Variants in AKAP13 observed in about 807,000 individuals in gnomAD.
AKAP13 encodes the protein A-kinase anchor protein 13.
A neutral mutation model predicts 264.5 loss-of-function variants in AKAP13; 80 were observed. The observed-to-expected ratio is 0.30, with a 90% CI of 0.25 to 0.36. The LOEUF is 0.36. AKAP13 is among the 10% of genes least tolerant of loss of function. The pLI, the probability that AKAP13 is intolerant of heterozygous loss-of-function variation, is 1.00. For missense variants in AKAP13, 3,712 were observed against 3,435.2 expected (o/e 1.08, Z -2.01); for synonymous variants, 1,380 against 1,250.2 (o/e 1.10, Z -2.19).
At chr15:85,735,419 T>A (rs1015475394) in intron 31 of AKAP13, 141 bp from the exon 32 acceptor site, 2 of 894,516 alleles carry the variant, frequency 2.2e-6, no homozygotes, top group South Asian at 3.6e-5. Flanking sequence ...ATCACTTAGC[T>A]GCCACCAAGC....
At chr15:85,563,135 C>G (rs1167161777) in intron 5 of AKAP13, among the ~76,000 whole-genome samples, 1 of 151,946 alleles carries the variant, frequency 6.6e-6, no homozygotes, top group Non-Finnish European at 1.5e-5. Context: ...TTTCCCATAC[C>G]ACACTATGAT....
intron 17 of AKAP13, among the ~76,000 whole-genome samples, chr15:85,706,764 C>T (rs12441583): frequency 1.3e-5 from 2 of 152,152 alleles, no homozygotes; most frequent in Admixed American, 1.3e-4. Flanking sequence ...TGAATGGTCC[C>T]TGCCCCAGAG....
intron 3 of AKAP13, among the ~76,000 whole-genome samples, chr15:85,524,508 A>T (rs371433963): frequency 4.3e-4 from 65 of 151,126 alleles, no homozygotes; most frequent in Admixed American, 4.3e-3. Flanking sequence ...TTTATTTTTC[A>T]TGTTTCATCC....
chr15:85,663,813 G>T (rs410522), intron 12 of AKAP13, among the ~76,000 whole-genome samples: 66,023 of 152,022 alleles, frequency 0.43, 15,615 homozygotes, highest in African/African-American at 0.62. Flanking sequence ...CACAGAATCT[G>T]TCTTGGAGGA....
chr15:85,442,451 C>T (rs1319112749), intron 1 of AKAP13, among the ~76,000 whole-genome samples: 3 of 111,592 alleles, frequency 2.7e-5, no homozygotes, highest in Admixed American at 1.0e-4. Context: ...ATAAAATATA[C>T]ATATATAATA....
At position 85,749,169 on chromosome 15, in the gene AKAP13, T is replaced by G. The variant is rs780462665; in HGVS notation, c.*4492T>G. 9 of 152,254 alleles carry G rather than the reference T, an allele frequency of 5.9e-5. No individual in the cohort carries two copies. The highest frequency in any genetic ancestry group is 1.2e-4 in the Non-Finnish European group (8 of 68,054). The allele number at this position is 152,254 out of a possible 1,614,324, so 9.4% of individuals were successfully genotyped here. On this transcript the variant is annotated 3_prime_UTR_variant, in exon 37 of 37. Coordinates refer to ENST00000394518, the MANE Select transcript of AKAP13 (RefSeq NM_007200.5). ...GGGTTAAAACCCAGATGCTGTATATTCATTTGTAATTATGTATAAAGTGAA... is the reference window on the plus strand; with the variant it reads ...GGGTTAAAACCCAGATGCTGTATATGCATTTGTAATTATGTATAAAGTGAA...
chr15:85,517,930 G>C (rs1170000455), intron 2 of AKAP13, among the ~76,000 whole-genome samples: 10 of 152,198 alleles, frequency 6.6e-5, no homozygotes, highest in African/African-American at 1.9e-4. Context: ...CTTAAGTTCA[G>C]ATTATTGGAA....
intron 1 of AKAP13, among the ~76,000 whole-genome samples, chr15:85,430,334 A>C (rs569103361): frequency 4.6e-5 from 7 of 152,254 alleles, no homozygotes; most frequent in Non-Finnish European, 1.0e-4. Flanking sequence ...TTTCTGCCTT[A>C]TAGTAGTAAA....
intron 1 of AKAP13, among the ~76,000 whole-genome samples, chr15:85,434,361 A>G (rs1468540538): frequency 2.6e-4 from 40 of 151,908 alleles, no homozygotes; most frequent in Non-Finnish European, 3.8e-4. Flanking sequence ...AGCAGTCTGA[A>G]ATCAAACTGC....
intron 14 of AKAP13, among the ~76,000 whole-genome samples, chr15:85,678,966 A>G (rs183531331): frequency 1.3e-5 from 2 of 151,906 alleles, no homozygotes; most frequent in African/African-American, 2.4e-5. Context: ...CCAGTCAGGC[A>G]CAGTGGCTCA....
intron 1 of AKAP13, among the ~76,000 whole-genome samples, chr15:85,474,946 C>A (rs1400535035): frequency 6.6e-6 from 1 of 152,132 alleles, no homozygotes; most frequent in Non-Finnish European, 1.5e-5. Flanking sequence ...GTGGGCCGTG[C>A]CTGCCTTGGA....
Position 85,743,481 on chromosome 15 carries a change from A to G in AKAP13, c.8059-11A>G. 1 of 1,608,976 alleles carries G rather than the reference A, an allele frequency of 6.2e-7. No individual in the cohort carries two copies. The highest frequency in any genetic ancestry group is 8.5e-7 in the Non-Finnish European group (1 of 1,176,538). On this transcript the variant is annotated splice_polypyrimidine_tract_variant and intron_variant, in intron 35 of 36. Transcript: ENST00000394518. ...CCTCCAAGTGAAAACCCTTCTCTTG[A>G]ATATGTACAGGTTTCCCATCCACAT...
chr15:85,508,856 T>A (rs1384809867), intron 2 of AKAP13, among the ~76,000 whole-genome samples: 1 of 147,126 alleles, frequency 6.8e-6, no homozygotes, highest in African/African-American at 2.7e-5. Context: ...TTGACTGCTT[T>A]CTTTATCTTC....
chr15:85,744,989 T>G lies in AKAP13; in HGVS notation c.*312T>G. ...GTGATGGTTTTGGACACGTCAGGAA[T>G]TCCTAAAGGCTGAAAGAGTGTATCC... On this transcript the variant is annotated 3_prime_UTR_variant, in exon 37 of 37. Coordinates refer to ENST00000394518, the MANE Select transcript of AKAP13 (RefSeq NM_007200.5). The G allele has an allele frequency of 3.7e-6, 1 of 271,038 alleles. No homozygotes were observed. The highest frequency in any genetic ancestry group is 7.0e-6 in the Non-Finnish European group (1 of 143,154). 16.8% of individuals were successfully genotyped at this position (271,038 alleles called of 1,614,324 possible). A position where few individuals can be genotyped will look rare whatever the true frequency, so the allele number is the denominator to read the frequency against.
intron 1 of AKAP13, among the ~76,000 whole-genome samples, chr15:85,401,045 G>A (rs1224341884): frequency 6.6e-6 from 1 of 151,652 alleles, no homozygotes; most frequent in African/African-American, 2.4e-5. Flanking sequence ...TATTTTTATT[G>A]GAGATTGGGT....
chr15:85,491,943 T>C (rs4842884), intron 2 of AKAP13, among the ~76,000 whole-genome samples: 77,488 of 151,842 alleles, frequency 0.51, 20,309 homozygotes, highest in Middle Eastern at 0.6. Flanking sequence ...CATCGTTACT[T>C]TCGTCATACA....
chr15:85,629,690 G>A (rs192394682), intron 8 of AKAP13, among the ~76,000 whole-genome samples: 5 of 142,242 alleles, frequency 3.5e-5, no homozygotes, highest in Non-Finnish European at 3.1e-5. Context: ...TCAGGGGTAT[G>A]TAAAAAGGTC....
In AKAP13 at chr15:85,727,568, G is replaced by T; in HGVS notation, c.7087+105G>T. ...CGGGTTTGCCCTCAGTTCTAAAGCT[G>T]CCCCAGCAGGCACTTGAAAGCAGCA... On this transcript the variant is annotated intron_variant, in intron 29 of 36. Coordinates refer to ENST00000394518, the MANE Select transcript of AKAP13 (RefSeq NM_007200.5). This position sits in a 1 kb window ranked among gnomAD's most constrained non-coding sequence, Gnocchi z 5.3. The T allele has an allele frequency of 8.9e-6, 11 of 1,235,562 alleles. No individual in the cohort carries two copies. Among genetic ancestry groups the T allele is most frequent in the Admixed American group, 2.1e-5 (1 of 46,536 alleles). The allele number at this position is 1,235,562 out of a possible 1,614,324, so 76.5% of individuals were successfully genotyped here. A position where few individuals can be genotyped will look rare whatever the true frequency, so the allele number is the denominator to read the frequency against.
rs996964438 is a variant in AKAP13, at chr15:85,744,878, G to A, written c.*201G>A. 7 of 516,626 alleles carry A rather than the reference G, an allele frequency of 1.4e-5. No homozygotes were observed. Among genetic ancestry groups the A allele is most frequent in the Non-Finnish European group, 2.0e-5 (6 of 296,912 alleles). 32.0% of individuals were successfully genotyped at this position (516,626 alleles called of 1,614,324 possible). ...GGGAAGGAGGCCCAGACTCTGCTTC[G>A]GCCATGATTTGTGACTGCCCAGGAC... On this transcript the variant is annotated 3_prime_UTR_variant, in exon 37 of 37. Transcript: ENST00000394518.
Sources: allele counts gnomAD v4.1 joint callset (sites outside exome capture counted in the v4.1 genomes callset), GRCh38; gene constraint gnomAD v4.1.1; non-coding constraint Gnocchi (gnomAD v3.1); transcripts MANE v1.5; gene names NCBI Gene and HGNC (gene_info 2026-07-23, HGNC 2026-07-21).